The following SEM1 variants were observed in gnomAD, a reference collection of about 807,000 sequenced individuals.
SEM1 encodes 26S proteasome complex subunit SEM1.
In SEM1, 3 loss-of-function variants were observed where a neutral mutation model predicts 12.7. The ratio of observed to expected loss-of-function variants is 0.24; its 90% CI spans 0.11 to 0.61. The LOEUF (loss-of-function observed/expected upper bound fraction) is 0.61, where lower values mean the gene tolerates loss of function less well. SEM1 is among the 20% of genes least tolerant of loss of function. The pLI, the probability that SEM1 is intolerant of heterozygous loss-of-function variation, is 0.88. For missense variants in SEM1, 59 were observed against 81.3 expected (o/e 0.73, Z 1.06); for synonymous variants, 30 against 27.8 (o/e 1.08, Z -0.25).
chr7:96,563,094 GATGAT>G (rs1805739836), intron 2 of SEM1, among the ~76,000 whole-genome samples: 1 of 152,154 alleles, frequency 6.6e-6, no homozygotes, highest in South Asian at 2.1e-4. Flanking sequence ...TGGGGGAAAT[GATGAT>G]GCTGGGAAGA....
chr7:96,552,893 G>T (rs1186059563), intron 2 of SEM1, among the ~76,000 whole-genome samples: 1 of 149,102 alleles, frequency 6.7e-6, no homozygotes, highest in African/African-American at 2.5e-5. Flanking sequence ...CATTCTAACT[G>T]GTGTGAGATG....
intron 2 of SEM1, among the ~76,000 whole-genome samples, chr7:96,637,745 G>A (rs1270166479): frequency 2.0e-5 from 3 of 151,958 alleles, no homozygotes; most frequent in Non-Finnish European, 2.9e-5. Flanking sequence ...ATTTGGGTAT[G>A]GACAGATGGC....
intron 2 of SEM1, among the ~76,000 whole-genome samples, chr7:96,533,510 CT>C (rs1804701861): frequency 6.6e-6 from 1 of 151,980 alleles, no homozygotes; most frequent in African/African-American, 2.4e-5. Context: ...ATTATGGTTA[CT>C]TTTTTCTTAG....
intron 2 of SEM1, among the ~76,000 whole-genome samples, chr7:96,562,322 A>G (rs1805711734): frequency 6.6e-6 from 1 of 152,186 alleles, no homozygotes. Flanking sequence ...TTCATTCATC[A>G]TTTGTTAATT....
intron 2 of SEM1, among the ~76,000 whole-genome samples, chr7:96,571,595 T>C (rs1245939903): frequency 6.6e-6 from 1 of 150,396 alleles, no homozygotes. Context: ...CGCACATATA[T>C]ACATATATAT....
chr7:96,528,533 GC>G (rs938576542), intron 2 of SEM1, among the ~76,000 whole-genome samples: 84 of 152,208 alleles, frequency 5.5e-4, no homozygotes, highest in African/African-American at 1.9e-3. Context: ...ACTGAAATGA[GC>G]AAAACTTAGT....
rs1211367165 is a variant in SEM1, at chr7:96,557,568, G to A, written c.171-50870C>T. On this transcript the variant is annotated intron_variant and NMD_transcript_variant, in intron 2 of 3. Transcript: ENST00000466986. ...CCCGTTCTCGTATTTCCAGCTGCGT[G>A]CTGGGAGAACCACTGCTCTCTTCAA... Among the ~76,000 whole-genome samples the A allele has an allele frequency of 2.2e-5, 2 of 90,872 alleles. 1 individual carries two copies. The highest frequency in any genetic ancestry group is 5.7e-5 in the African/African-American group (2 of 35,294). 59.6% of individuals were successfully genotyped at this position (90,872 alleles called of 152,430 possible). A position where few individuals can be genotyped will look rare whatever the true frequency, so the allele number is the denominator to read the frequency against.
chr7:96,611,267 T>C (rs1006165610), intron 2 of SEM1, among the ~76,000 whole-genome samples: 1 of 152,184 alleles, frequency 6.6e-6, no homozygotes, highest in Non-Finnish European at 1.5e-5. Flanking sequence ...CCCCTGTGCA[T>C]GTAATGTTAA....
intron 2 of SEM1, among the ~76,000 whole-genome samples, chr7:96,635,592 T>C (rs898674530): frequency 3.3e-5 from 5 of 151,936 alleles, no homozygotes; most frequent in Non-Finnish European, 7.4e-5. Context: ...AGGGAAGGGG[T>C]AGTCAATTGT....
At chr7:96,610,080 A>G (rs1807495182) in intron 2 of SEM1, among the ~76,000 whole-genome samples, 1 of 151,392 alleles carries the variant, frequency 6.6e-6, no homozygotes, top group South Asian at 2.1e-4. Flanking sequence ...ACTGAGGGAA[A>G]CCATAAGTTA....
At chr7:96,576,814 A>G (rs984916242) in intron 2 of SEM1, among the ~76,000 whole-genome samples, 7 of 152,150 alleles carry the variant, frequency 4.6e-5, no homozygotes, top group African/African-American at 1.7e-4. Flanking sequence ...CTAATATAGA[A>G]CAATTAGAAA....
intron 2 of SEM1, among the ~76,000 whole-genome samples, chr7:96,576,967 A>G (rs1806225067): frequency 6.6e-6 from 1 of 152,050 alleles, no homozygotes; most frequent in South Asian, 2.1e-4. Flanking sequence ...AAAATACAAA[A>G]TTAGCCAGGC....
At chr7:96,573,377 G>A (rs1337283601) in intron 2 of SEM1, among the ~76,000 whole-genome samples, 1 of 151,476 alleles carries the variant, frequency 6.6e-6, no homozygotes, top group Non-Finnish European at 1.5e-5. Context: ...TTTCTTCATA[G>A]TGGTGATGTT....
chr7:96,496,376 TAA>T, upstream of SEM1: 1 of 1,072,204 alleles, frequency 9.3e-7, no homozygotes, highest in South Asian at 1.5e-5. Context: ...AAATGTAATA[TAA>T]AAGAGTGTAA....
chr7:96,646,115 G>C (rs775491379), intron 2 of SEM1, among the ~76,000 whole-genome samples: 4 of 152,022 alleles, frequency 2.6e-5, no homozygotes, highest in Non-Finnish European at 5.9e-5. Context: ...TCTGTACCAG[G>C]GGTCAGCAAA....
chr7:96,606,452 G>A (rs1351813666), intron 2 of SEM1, among the ~76,000 whole-genome samples: 2 of 152,174 alleles, frequency 1.3e-5, no homozygotes, highest in Non-Finnish European at 2.9e-5. Flanking sequence ...CCACAGAGAG[G>A]ACACCCTAAC....
At chr7:96,585,105 A>C (rs1261333162) in intron 2 of SEM1, among the ~76,000 whole-genome samples, 1 of 151,844 alleles carries the variant, frequency 6.6e-6, no homozygotes, top group Non-Finnish European at 1.5e-5. Flanking sequence ...GGTTTTATCT[A>C]CTTTTGGTCT....
chr7:96,687,847 G>C (rs1011094504), downstream of SEM1: 1 of 151,928 alleles, frequency 6.6e-6, no homozygotes, highest in Non-Finnish European at 1.5e-5. Context: ...ACTTTCCAAA[G>C]TTCTTTGGTG....
intron 1 of SEM1, chr7:96,695,972 A>G (rs573223391): frequency 2.7e-4 from 41 of 152,132 alleles, no homozygotes; most frequent in Admixed American, 5.9e-4. Context: ...ATCTTTTAAG[A>G]AACAAAATTT....
Sources: gnomAD v4.1 joint callset for allele counts (sites outside exome capture counted in the v4.1 genomes callset) on GRCh38, gnomAD v4.1.1 for gene constraint, MANE v1.5 for transcripts, NCBI Gene and HGNC (gene_info 2026-07-23, HGNC 2026-07-21) for gene names.